The following ANKS1B variants were observed in gnomAD, a reference collection of about 807,000 sequenced individuals.
ANKS1B encodes ankyrin repeat and sterile alpha motif domain-containing protein 1B.
Under a neutral mutation model 148.3 loss-of-function variants are expected in ANKS1B, and 36 were observed. The ratio of observed to expected loss-of-function variants is 0.24; its 90% CI spans 0.19 to 0.32. ANKS1B has a LOEUF of 0.32. Among genes scored for constraint, ANKS1B ranks in the 10% least tolerant of loss-of-function variants. The pLI, the probability that ANKS1B is intolerant of heterozygous loss-of-function variation, is 1.00. For synonymous variants in ANKS1B, 542 were observed against 560.8 expected, an observed-to-expected ratio of 0.97 and a Z score of 0.47; for missense variants, 1,157 against 1,542.6, an observed-to-expected ratio of 0.75 and a Z score of 4.19.
At chr12:99,581,924 A>G (rs2153228988) in intron 9 of ANKS1B, among the ~76,000 whole-genome samples, 1 of 151,572 alleles carries the variant, frequency 6.6e-6, no homozygotes, top group African/African-American at 2.4e-5. Context: ...AAGAAAAAAG[A>G]AAATGAAAAG....
chr12:99,522,994 G>A (rs1358976913), intron 9 of ANKS1B, among the ~76,000 whole-genome samples: 2 of 152,200 alleles, frequency 1.3e-5, no homozygotes, highest in African/African-American at 4.8e-5. Flanking sequence ...CCCAGAGGTA[G>A]ACACAGTAGT....
chr12:99,688,298 ACT>A (rs1248226547), intron 8 of ANKS1B, among the ~76,000 whole-genome samples: 4 of 151,938 alleles, frequency 2.6e-5, no homozygotes, highest in African/African-American at 7.3e-5. Context: ...CTCATCAAGA[ACT>A]CTCTCCCTGC....
chr12:99,226,660 G>A (rs1292947539), intron 14 of ANKS1B, among the ~76,000 whole-genome samples: 1 of 152,170 alleles, frequency 6.6e-6, no homozygotes, highest in African/African-American at 2.4e-5. Flanking sequence ...ATCTTTGAGA[G>A]ATAAAACCGT....
chr12:98,808,016 C>A, intron 19 of ANKS1B, 98 bp from the exon 20 acceptor site: 1 of 901,662 alleles, frequency 1.1e-6, no homozygotes, highest in Non-Finnish European at 1.7e-6. Flanking sequence ...TAATAAAATG[C>A]AAAGAATCAC....
intron 16 of ANKS1B, 45 bp downstream of exon 16, chr12:99,084,880 A>G (rs760981304): frequency 1.3e-5 from 20 of 1,483,608 alleles, no homozygotes; most frequent in Non-Finnish European, 1.8e-5. Flanking sequence ...ACTCAAAATC[A>G]CTGGGAACCG....
At chr12:99,885,550 G>T (rs1038278997) in intron 1 of ANKS1B, among the ~76,000 whole-genome samples, 1 of 152,020 alleles carries the variant, frequency 6.6e-6, no homozygotes, top group Non-Finnish European at 1.5e-5. Context: ...TGATCCGCCC[G>T]CCTGGGCCTC....
chr12:99,056,490 T>C (rs1169279601), intron 16 of ANKS1B, among the ~76,000 whole-genome samples: 1 of 152,188 alleles, frequency 6.6e-6, no homozygotes, highest in East Asian at 1.9e-4. Context: ...CCACCTTTGA[T>C]CCAGCTTGTA....
intron 9 of ANKS1B, among the ~76,000 whole-genome samples, chr12:99,597,498 A>G (rs1381948926): frequency 2.6e-5 from 4 of 152,188 alleles, no homozygotes; most frequent in East Asian, 1.9e-4. Flanking sequence ...CGTTCTCTCA[A>G]CTAAGTACTT....
intron 14 of ANKS1B, among the ~76,000 whole-genome samples, chr12:99,173,441 C>A (rs905547734): frequency 2.6e-5 from 4 of 152,122 alleles, no homozygotes; most frequent in African/African-American, 9.7e-5. Context: ...ATTTGACCCT[C>A]AATTCTGTGT....
intron 12 of ANKS1B, among the ~76,000 whole-genome samples, chr12:99,273,055 T>G (rs2077227623): frequency 6.6e-6 from 1 of 152,188 alleles, no homozygotes; most frequent in African/African-American, 2.4e-5. Flanking sequence ...AAATGGAAGT[T>G]GAGCAAGTTA....
chr12:99,005,737 G>T (rs1270078116), intron 17 of ANKS1B, among the ~76,000 whole-genome samples: 4 of 152,230 alleles, frequency 2.6e-5, no homozygotes, highest in African/African-American at 9.6e-5. Flanking sequence ...GGCTTTCTCA[G>T]TTATAAGACT....
At chr12:99,771,567 T>C (rs914757243) in intron 8 of ANKS1B, among the ~76,000 whole-genome samples, 3 of 152,220 alleles carry the variant, frequency 2.0e-5, no homozygotes, top group Middle Eastern at 3.4e-3. Context: ...GGAGACAGCA[T>C]ACACCTATTT....
intron 1 of ANKS1B, among the ~76,000 whole-genome samples, chr12:99,842,649 C>A (rs1199402019): frequency 1.3e-5 from 2 of 152,178 alleles, no homozygotes; most frequent in South Asian, 4.2e-4. Flanking sequence ...TCCACTGACC[C>A]CTGCCCTGTT....
intron 20 of ANKS1B, 90 bp downstream of exon 20, chr12:98,807,754 A>G (rs1205018797): frequency 9.3e-7 from 1 of 1,070,470 alleles, no homozygotes. Flanking sequence ...CTGCATTGCC[A>G]GGACACAGTA....
intron 12 of ANKS1B, among the ~76,000 whole-genome samples, chr12:99,253,233 A>G (rs2074850797): frequency 6.6e-6 from 1 of 151,920 alleles, no homozygotes; most frequent in Admixed American, 6.6e-5. Flanking sequence ...CTAGAAAAAA[A>G]AAAAAGGCAG....
intron 12 of ANKS1B, among the ~76,000 whole-genome samples, chr12:99,274,192 G>T (rs758011102): frequency 6.6e-6 from 1 of 152,190 alleles, no homozygotes; most frequent in Middle Eastern, 3.4e-3. Context: ...CCCTGATAGC[G>T]CTCTGGATTT....
chr12:99,292,984 AG>A (rs1262631270), intron 12 of ANKS1B, among the ~76,000 whole-genome samples: 1 of 152,252 alleles, frequency 6.6e-6, no homozygotes, highest in African/African-American at 2.4e-5. Flanking sequence ...CATTTGACCC[AG>A]CAATCCCATT....
At chr12:99,894,445 G>C (rs972028423) in intron 1 of ANKS1B, among the ~76,000 whole-genome samples, 1 of 149,448 alleles carries the variant, frequency 6.7e-6, no homozygotes, top group East Asian at 2.0e-4. Context: ...GGAGGTCAAG[G>C]CTGCAGTGAG....
chr12:99,570,144 A>G (rs2097436865), intron 9 of ANKS1B, among the ~76,000 whole-genome samples: 1 of 152,140 alleles, frequency 6.6e-6, no homozygotes, highest in South Asian at 2.1e-4. Context: ...AGCAGCTGGA[A>G]TAAGTGTGAA....
Sources: allele counts gnomAD v4.1 joint callset (sites outside exome capture counted in the v4.1 genomes callset), GRCh38; gene constraint gnomAD v4.1.1; transcripts MANE v1.5; gene names NCBI Gene and HGNC (gene_info 2026-07-23, HGNC 2026-07-21).